ROBO2: variants seen among roughly 807,000 people sequenced by gnomAD.
ROBO2 encodes roundabout guidance receptor 2, also known as roundabout homolog 2.
A neutral mutation model predicts 160.8 loss-of-function variants in ROBO2; 53 were observed. The ratio of observed to expected loss-of-function variants is 0.33; its 90% CI spans 0.26 to 0.41. ROBO2 has a LOEUF of 0.41. Ranked by LOEUF, ROBO2 falls within the 10% of genes least tolerant of loss-of-function variation. ROBO2 has a pLI of 1.00. For synonymous variants in ROBO2, 664 were observed against 611.7 expected (o/e 1.09, Z -1.26); for missense variants, 1,577 against 1,722.4 (o/e 0.92, Z 1.49).
chr3:76,224,687 A>G (rs1238776864), intron 2 of ROBO2, among the ~76,000 whole-genome samples: 1 of 152,178 alleles, frequency 6.6e-6, no homozygotes, highest in Non-Finnish European at 1.5e-5. Flanking sequence ...TAATTTTCTA[A>G]TGGCTAAATT....
intron 2 of ROBO2, among the ~76,000 whole-genome samples, chr3:76,789,634 G>A (rs1365111327): frequency 6.6e-6 from 1 of 151,650 alleles, no homozygotes; most frequent in East Asian, 1.9e-4. Flanking sequence ...TTTCAAAGAA[G>A]CTGCCCAAGT....
At chr3:77,274,709 A>G (rs368648436) in intron 2 of ROBO2, among the ~76,000 whole-genome samples, 1 of 152,096 alleles carries the variant, frequency 6.6e-6, no homozygotes, top group Non-Finnish European at 1.5e-5. Context: ...ATGGGAAAAC[A>G]TTATCGTATA....
rs188615841 is a variant in ROBO2, at chr3:76,013,227, C to T, written c.109+75625C>T. ...AGGCAATTGGTGACTGGTACGGTGG[C>T]TTATGTGTGTAATCCCAGAAGTAGT... On this transcript the variant is annotated intron_variant, in intron 2 of 26. Transcript: ENST00000487694. 5.8e-4 allele frequency among the ~76,000 whole-genome samples: 77 copies of T among 132,096 alleles called. 1 individual carries two copies. The highest frequency in any genetic ancestry group is 1.8e-3 in the African/African-American group (61 of 34,212). The allele number at this position is 132,096 out of a possible 152,430, so 86.7% of individuals were successfully genotyped here.
intron 2 of ROBO2, among the ~76,000 whole-genome samples, chr3:77,378,893 G>C (rs2073051778): frequency 6.6e-6 from 1 of 151,570 alleles, no homozygotes; most frequent in Non-Finnish European, 1.5e-5. Flanking sequence ...TCCCCAACCC[G>C]GCATGCGTAA....
intron 2 of ROBO2, among the ~76,000 whole-genome samples, chr3:77,200,929 A>G (rs765155765): frequency 1.3e-5 from 2 of 152,094 alleles, no homozygotes; most frequent in Non-Finnish European, 2.9e-5. Context: ...ATAAGTACAC[A>G]GTAGCACAAG....
At chr3:75,974,239 T>A (rs1035437257) in intron 2 of ROBO2, among the ~76,000 whole-genome samples, 1 of 151,532 alleles carries the variant, frequency 6.6e-6, no homozygotes, top group Non-Finnish European at 1.5e-5. Context: ...AAAGAATAGG[T>A]TCAGGCATTT....
chr3:77,248,755 A>T (rs1034522980), intron 2 of ROBO2, among the ~76,000 whole-genome samples: 2 of 147,926 alleles, frequency 1.4e-5, no homozygotes, highest in Non-Finnish European at 3.0e-5. Context: ...GGCAGGAAAT[A>T]GCTGCTTCAA....
intron 2 of ROBO2, among the ~76,000 whole-genome samples, chr3:77,264,538 G>GTT (rs5850320): frequency 1.4e-3 from 219 of 151,598 alleles, no homozygotes; most frequent in Non-Finnish European, 1.9e-3. Flanking sequence ...TGTTCATAAT[G>GTT]TTTTTTTTTA....
intron 2 of ROBO2, among the ~76,000 whole-genome samples, chr3:76,272,424 G>C (rs957667130): frequency 6.6e-6 from 1 of 151,826 alleles, no homozygotes; most frequent in Non-Finnish European, 1.5e-5. Flanking sequence ...CAGCACTTTG[G>C]GAGGCCGAGG....
chr3:76,525,326 T>C (rs1232787230), intron 2 of ROBO2, among the ~76,000 whole-genome samples: 2 of 152,108 alleles, frequency 1.3e-5, no homozygotes, highest in East Asian at 3.9e-4. Context: ...TTCTTGGTTT[T>C]ATGTTTTAAA....
At chr3:75,937,878 G>C (rs1318265163) in intron 2 of ROBO2, among the ~76,000 whole-genome samples, 1 of 80,012 alleles carries the variant, frequency 1.2e-5, no homozygotes, top group Non-Finnish European at 2.5e-5. Context: ...TATATATGAG[G>C]TATTATGAGG....
intron 2 of ROBO2, among the ~76,000 whole-genome samples, chr3:77,234,641 A>G (rs2087688900): frequency 6.6e-6 from 1 of 152,220 alleles, no homozygotes; most frequent in African/African-American, 2.4e-5. Context: ...AATATTTTTC[A>G]ATTAAATGTT....
intron 2 of ROBO2, among the ~76,000 whole-genome samples, chr3:76,289,117 G>A (rs927204357): frequency 2.6e-5 from 4 of 152,160 alleles, no homozygotes; most frequent in Admixed American, 1.3e-4. Context: ...CACCAGTAGC[G>A]TATAAGGGTT....
intron 2 of ROBO2, among the ~76,000 whole-genome samples, chr3:76,248,513 G>A (rs1164099543): frequency 7.0e-6 from 1 of 142,914 alleles, no homozygotes; most frequent in Non-Finnish European, 1.5e-5. Context: ...AGGGGGGAGG[G>A]ATAGCATTGG....
chr3:76,070,349 C>G (rs2068407647), intron 2 of ROBO2, among the ~76,000 whole-genome samples: 1 of 152,108 alleles, frequency 6.6e-6, no homozygotes, highest in African/African-American at 2.4e-5. Flanking sequence ...TGGGCGTGGT[C>G]ATCTCTTATG....
At chr3:77,153,196 A>C (rs2077689105) in intron 2 of ROBO2, among the ~76,000 whole-genome samples, 1 of 152,100 alleles carries the variant, frequency 6.6e-6, no homozygotes, top group Admixed American at 6.6e-5. Flanking sequence ...CGTTTGGTAG[A>C]CTTTTCCAGT....
chr3:76,845,142 G>A (rs1243992707), intron 2 of ROBO2, among the ~76,000 whole-genome samples: 4 of 151,676 alleles, frequency 2.6e-5, no homozygotes, highest in Non-Finnish European at 5.9e-5. Flanking sequence ...CAAATACCGT[G>A]GTTAAAAAGG....
At chr3:76,375,534 A>G (rs1576762975) in intron 2 of ROBO2, among the ~76,000 whole-genome samples, 1 of 152,052 alleles carries the variant, frequency 6.6e-6, no homozygotes, top group Admixed American at 6.6e-5. Context: ...CTGCCTGGAA[A>G]AGAAAGCCTA....
At chr3:77,088,452 A>G (rs1238594044) in intron 1 of ROBO2, among the ~76,000 whole-genome samples, 3 of 152,186 alleles carry the variant, frequency 2.0e-5, no homozygotes, top group Non-Finnish European at 4.4e-5. Flanking sequence ...TTTGTTACGT[A>G]GGTAAATGTG....
Sources: allele counts gnomAD v4.1 joint callset (sites outside exome capture counted in the v4.1 genomes callset), GRCh38; gene constraint gnomAD v4.1.1; transcripts MANE v1.5; gene names NCBI Gene and HGNC (gene_info 2026-07-23, HGNC 2026-07-21).